HMGXB4: variants seen among roughly 807,000 people sequenced by gnomAD.
The protein encoded by HMGXB4 is HMG domain-containing protein 4.
HMGXB4 carries 27 observed loss-of-function variants against 63.9 expected under a neutral mutation model. The ratio of observed to expected loss-of-function variants is 0.42; its 90% CI spans 0.31 to 0.58. The LOEUF (loss-of-function observed/expected upper bound fraction) is 0.58, where lower values mean the gene tolerates loss of function less well. Among genes scored for constraint, HMGXB4 ranks in the 20% least tolerant of loss-of-function variants. The probability of loss-of-function intolerance (pLI) is 0.13; values close to 1 mark genes in which losing one functional copy is unlikely to be tolerated. For synonymous variants in HMGXB4, 264 were observed against 265.3 expected (o/e 0.99, Z 0.05); for missense variants, 624 against 700.7 (o/e 0.89, Z 1.24).
intron 5 of HMGXB4, 132 bp downstream of exon 5, chr22:35,265,735 G>C: frequency 8.0e-7 from 1 of 1,250,432 alleles, no homozygotes; most frequent in South Asian, 1.7e-5. Context: ...ATGTTGGAAT[G>C]ATATAAAGTA....
chr22:35,271,669 G>A (rs1184570518), intron 5 of HMGXB4, among the ~76,000 whole-genome samples: 1 of 152,172 alleles, frequency 6.6e-6, no homozygotes, highest in Non-Finnish European at 1.5e-5. Context: ...TCAGGGCCTC[G>A]GTGTGCCAAG....
chr22:35,270,965 T>C (rs564932366), intron 5 of HMGXB4, among the ~76,000 whole-genome samples: 1 of 152,264 alleles, frequency 6.6e-6, no homozygotes, highest in East Asian at 1.9e-4. Flanking sequence ...AAAAGAACTG[T>C]ATAAAAGTCA....
At chr22:35,275,998 A>G (rs1340438636) in intron 5 of HMGXB4, among the ~76,000 whole-genome samples, 1 of 152,298 alleles carries the variant, frequency 6.6e-6, no homozygotes, top group East Asian at 1.9e-4. Context: ...TTTAGAGTGG[A>G]ATTACTGGCC....
At chr22:35,269,696 C>A (rs1172785159) in intron 5 of HMGXB4, among the ~76,000 whole-genome samples, 2 of 152,088 alleles carry the variant, frequency 1.3e-5, no homozygotes, top group Non-Finnish European at 2.9e-5. Flanking sequence ...TAGAGTTGTA[C>A]AAGGTGGATT....
chr22:35,265,471 C>A lies in HMGXB4; in HGVS notation c.1083C>A (p.Gly361=). The A allele has an allele frequency of 6.2e-7, 1 of 1,614,074 alleles. No homozygotes were observed. Among genetic ancestry groups the A allele is most frequent in the Non-Finnish European group, 8.5e-7 (1 of 1,180,020 alleles). The change falls in exon 5 of 11, where the codon GGC becomes GGA. Residue 361 remains glycine, a synonymous_variant. Transcript: ENST00000216106. ...TGGGAGAGGTCACAGTGACATCTGGCCCTCCTCCCAGCATCCCATACGCTG... is the reference window on the plus strand; with the variant it reads ...TGGGAGAGGTCACAGTGACATCTGGACCTCCTCCCAGCATCCCATACGCTG... The part of the protein sequence containing the change: ...VPVGEVTVTS[G]PPPSIPYAGA...
In HMGXB4 at chr22:35,263,934, TA is replaced by T. The variant is rs767918413; in HGVS notation, c.259+61del. Reference sequence around the variant, plus strand: ...ACATCGCTGGTTCTTGGAGTCGGGGTAGGGGAAAGGGATCCAGATGTTGCTG... The same window carrying T: ...ACATCGCTGGTTCTTGGAGTCGGGGTGGGGAAAGGGATCCAGATGTTGCTG... On this transcript the variant is annotated intron_variant, in intron 4 of 10. Coordinates refer to ENST00000216106, the MANE Select transcript of HMGXB4 (RefSeq NM_001003681.3). 7.5e-6 allele frequency: 12 copies of T among 1,596,418 alleles called. No individual in the cohort carries two copies. In the African/African-American group the frequency reaches 1.5e-4, roughly 20 times the overall value.
At chr22:35,281,046 T>C (rs755930252) in intron 5 of HMGXB4, among the ~76,000 whole-genome samples, 6 of 152,248 alleles carry the variant, frequency 3.9e-5, no homozygotes, top group Non-Finnish European at 8.8e-5. Flanking sequence ...CTGGCACATA[T>C]GGATACTCAG....
At chr22:35,257,807 G>A (rs2146389951) in intron 1 of HMGXB4, among the ~76,000 whole-genome samples, 1 of 152,166 alleles carries the variant, frequency 6.6e-6, no homozygotes, top group African/African-American at 2.4e-5. Flanking sequence ...AGGCGGGAAA[G>A]CTGCGGGGCC....
intron 1 of HMGXB4, among the ~76,000 whole-genome samples, chr22:35,259,492 C>T (rs1001195456): frequency 4.6e-5 from 7 of 152,194 alleles, no homozygotes; most frequent in Admixed American, 3.9e-4. Context: ...TACCCCTGAA[C>T]TCTGAATTTT....
chr22:35,276,403 T>G (rs1923915950), intron 5 of HMGXB4, among the ~76,000 whole-genome samples: 1 of 152,234 alleles, frequency 6.6e-6, no homozygotes, highest in Non-Finnish European at 1.5e-5. Context: ...ATCACACTTG[T>G]GTAACGAGTT....
rs762130782 is a variant in HMGXB4 at position 35,263,831 on chromosome 22, CAAG to C, written c.224_226del (p.Lys75del). The C allele has an allele frequency of 4.8e-5, 77 of 1,613,364 alleles. No individual in the cohort carries two copies. Among genetic ancestry groups the C allele is most frequent in the Admixed American group, 6.7e-5 (4 of 59,988 alleles). ...TTTACTTCTTGGGGACGGACACACA[CAAG>C]AAGAAGAGGAAGCACTCCTCTGATG... On this transcript the variant is annotated inframe_deletion, in exon 4 of 11. Coordinates refer to ENST00000216106, the MANE Select transcript of HMGXB4 (RefSeq NM_001003681.3).
the HMGXB4 span, among the ~76,000 whole-genome samples, chr22:35,242,584 G>A: frequency 6.6e-6 from 1 of 150,492 alleles, no homozygotes; most frequent in Non-Finnish European, 1.5e-5. Context: ...CTAGCCCTTT[G>A]CTTCACTGAT....
At chr22:35,279,238 C>T (rs1367344593) in intron 5 of HMGXB4, among the ~76,000 whole-genome samples, 2 of 134,902 alleles carry the variant, frequency 1.5e-5, no homozygotes, top group Non-Finnish European at 3.1e-5. Flanking sequence ...CCTCTGTCTC[C>T]TGGGTTTTCA....
At chr22:35,275,201 C>T (rs576092536) in intron 5 of HMGXB4, among the ~76,000 whole-genome samples, 103 of 145,242 alleles carry the variant, frequency 7.1e-4, no homozygotes, top group African/African-American at 2.6e-3. Context: ...CTCACTACAA[C>T]CTCTGCCTCC....
Position 35,265,074 on chromosome 22 carries a change from G to C in HMGXB4, c.686G>C (p.Arg229Pro). ...TVKKSSKKSARDEQGALLLGH... is the reference protein window; with the variant it reads ...TVKKSSKKSAPDEQGALLLGH... ...AAAAAATCCTCAAAGAAATCAGCTC[G>C]GGATGAGCAGGGTGCTTTACTCCTA... The change falls in exon 5 of 11, where the codon CGG becomes CCG. Residue 229 changes from arginine (R) to proline (P), a missense_variant. Arg to Pro is a moderately radical substitution (Grantham distance 103). Coordinates refer to ENST00000216106, the MANE Select transcript of HMGXB4 (RefSeq NM_001003681.3). The C allele has an allele frequency of 6.2e-7, 1 of 1,614,044 alleles. No individual in the cohort carries two copies. Among genetic ancestry groups the C allele is most frequent in the Non-Finnish European group, 8.5e-7 (1 of 1,179,990 alleles).
At chr22:35,262,954 G>T in intron 2 of HMGXB4, 124 bp from the exon 3 acceptor site, 2 of 900,708 alleles carry the variant, frequency 2.2e-6, no homozygotes, top group Non-Finnish European at 3.6e-6. Context: ...GTATTTCAGT[G>T]GACTTGATTG....
chr22:35,286,635 G>C (rs889248379), intron 7 of HMGXB4, among the ~76,000 whole-genome samples: 1 of 152,130 alleles, frequency 6.6e-6, no homozygotes, highest in Non-Finnish European at 1.5e-5. Flanking sequence ...GATCACCTGA[G>C]GTCAGGAGTT....
rs181002212 is a variant in HMGXB4 at position 35,291,303 on chromosome 22, G to C, written c.1639-1689G>C. 7.2e-3 allele frequency among the ~76,000 whole-genome samples: 1,091 copies of C among 152,172 alleles called. 3 individuals carry two copies. The highest frequency in any genetic ancestry group is 0.011 in the Non-Finnish European group (733 of 68,002). ...AATAAAAATTGTGCGTGTGTGTGGCGTGTGGTGTGTGTGTATCTTAAGAAA... is the reference window on the plus strand; with the variant it reads ...AATAAAAATTGTGCGTGTGTGTGGCCTGTGGTGTGTGTGTATCTTAAGAAA... On this transcript the variant is annotated intron_variant, in intron 9 of 10. Coordinates refer to ENST00000216106, the MANE Select transcript of HMGXB4 (RefSeq NM_001003681.3).
At chr22:35,278,740 C>T (rs1428067680) in intron 5 of HMGXB4, among the ~76,000 whole-genome samples, 1 of 151,752 alleles carries the variant, frequency 6.6e-6, no homozygotes, top group Non-Finnish European at 1.5e-5. Flanking sequence ...CCTCAAACTC[C>T]TGGGCTCAAT....
Sources: allele counts gnomAD v4.1 joint callset (sites outside exome capture counted in the v4.1 genomes callset), GRCh38; gene constraint gnomAD v4.1.1; transcripts MANE v1.5; gene names NCBI Gene and HGNC (gene_info 2026-07-23, HGNC 2026-07-21).